The following SHB variants were observed in gnomAD, a reference collection of about 807,000 sequenced individuals.
SHB encodes the protein SH2 domain containing adaptor protein B.
SHB carries 20 observed loss-of-function variants against 52.3 expected under a neutral mutation model. The ratio of observed to expected loss-of-function variants is 0.38; its 90% CI spans 0.27 to 0.56. The LOEUF is 0.56. Among genes scored for constraint, SHB ranks in the 20% least tolerant of loss-of-function variants. SHB has a pLI of 0.71. For missense variants in SHB, 825 were observed against 723.3 expected, an observed-to-expected ratio of 1.14 and a Z score of -1.61; for synonymous variants, 397 against 316.5, an observed-to-expected ratio of 1.25 and a Z score of -2.70.
chr9:37,960,517 T>G (rs1048932481), intron 3 of SHB, among the ~76,000 whole-genome samples: 1 of 152,188 alleles, frequency 6.6e-6, no homozygotes, highest in African/African-American at 2.4e-5. Flanking sequence ...TGGGAGCCCT[T>G]CTGACTTTGG....
chr9:38,063,203 G>T (rs1374330620), intron 1 of SHB, among the ~76,000 whole-genome samples: 1 of 152,246 alleles, frequency 6.6e-6, no homozygotes, highest in African/African-American at 2.4e-5. Context: ...TTTGCCATTA[G>T]TGATATTTTA....
rs377233293 is a variant in SHB at position 38,068,277 on chromosome 9, C to G, written c.369G>C (p.Gly123=). The G allele has an allele frequency of 3.4e-6, 5 of 1,470,086 alleles. No individual in the cohort carries two copies. Among genetic ancestry groups the G allele is most frequent in the African/African-American group, 1.5e-5 (1 of 68,052 alleles). The allele number at this position is 1,470,086 out of a possible 1,614,324, so 91.1% of individuals were successfully genotyped here. The change falls in exon 1 of 6, where the codon GGG becomes GGC. Residue 123 remains glycine (G), a synonymous_variant. Coordinates refer to ENST00000377707, the MANE Select transcript of SHB (RefSeq NM_003028.3). The stretch of plus-strand genomic sequence containing the variant: ...ACGAGGCCGAGAAGGCGCGCTGGAC[C>G]CCGCCTGGCTCCCCGCTGCCGCCGC... ...DYCGGSGEPG[G]VQRAFSASSA...
rs11790880 is a variant in SHB at position 37,918,222 on chromosome 9, A to T, written c.*1599T>A. Among the ~76,000 whole-genome samples the T allele has an allele frequency of 0.085, 12,977 of 152,272 alleles. 597 individuals are homozygous for T. The highest frequency in any genetic ancestry group is 0.11 in the South Asian group (509 of 4,830). On this transcript the variant is annotated 3_prime_UTR_variant, in exon 6 of 6. Coordinates refer to ENST00000377707, the MANE Select transcript of SHB (RefSeq NM_003028.3). ...CTGGCGAAGGCTCTGGAACCCTTGT[A>T]TCTCATTCAGGAGAGGGCAGCCACA...
chr9:38,053,528 C>A (rs895281700), intron 1 of SHB, among the ~76,000 whole-genome samples: 4 of 152,294 alleles, frequency 2.6e-5, no homozygotes, highest in African/African-American at 9.6e-5. Flanking sequence ...TGAGCCACCA[C>A]ACCCAGCCAG....
At chr9:37,964,232 G>A (rs1167808646) in intron 3 of SHB, among the ~76,000 whole-genome samples, 1 of 152,242 alleles carries the variant, frequency 6.6e-6, no homozygotes, top group Non-Finnish European at 1.5e-5. Context: ...GGTCCTCATT[G>A]TGAGGGGAGG....
Position 37,948,626 on chromosome 9 carries a change from G to A in SHB, c.1346+9C>T, listed in dbSNP as rs368833941. ...GAGGAGGGCTGGGGGTGCTCGGGGC[G>A]GCACTCACCTCAGGGAGAGGGAGTA... On this transcript the variant is annotated intron_variant, in intron 5 of 5. Transcript: ENST00000377707. The A allele has an allele frequency of 1.5e-4, 240 of 1,612,928 alleles. No homozygotes were observed. The highest frequency in any genetic ancestry group is 3.9e-4 in the African/African-American group (29 of 74,920).
chr9:37,929,037 T>C (rs1832282638), intron 5 of SHB, among the ~76,000 whole-genome samples: 1 of 152,192 alleles, frequency 6.6e-6, no homozygotes, highest in African/African-American at 2.4e-5. Context: ...CAGGCAGGGC[T>C]GGAGAGGGGG....
chr9:38,013,982 T>C (rs948893897), intron 2 of SHB, among the ~76,000 whole-genome samples: 2 of 152,192 alleles, frequency 1.3e-5, no homozygotes, highest in Non-Finnish European at 2.9e-5. Flanking sequence ...GTGCCCAGCA[T>C]GGAGTCTGGT....
chr9:37,966,833 G>T (rs1224764920), intron 3 of SHB, among the ~76,000 whole-genome samples: 4 of 152,188 alleles, frequency 2.6e-5, no homozygotes, highest in Non-Finnish European at 5.9e-5. Flanking sequence ...ACATAGCTTG[G>T]TGGGAATAGC....
At chr9:38,062,929 T>C (rs1358774020) in intron 1 of SHB, among the ~76,000 whole-genome samples, 2 of 152,144 alleles carry the variant, frequency 1.3e-5, no homozygotes, top group Non-Finnish European at 2.9e-5. Flanking sequence ...TGGCCCACAA[T>C]CAAACCACGG....
At chr9:38,056,831 C>G (rs1821827315) in intron 1 of SHB, among the ~76,000 whole-genome samples, 1 of 152,184 alleles carries the variant, frequency 6.6e-6, no homozygotes, top group African/African-American at 2.4e-5. Flanking sequence ...TACAAATCAA[C>G]AGACAAAACC....
chr9:38,021,922 G>A (rs1587248400), intron 1 of SHB, among the ~76,000 whole-genome samples: 1 of 152,216 alleles, frequency 6.6e-6, no homozygotes, highest in African/African-American at 2.4e-5. Flanking sequence ...GTGTCTTGCT[G>A]GCTGAAGGGT....
At chr9:38,028,769 T>C (rs1373915265) in intron 1 of SHB, among the ~76,000 whole-genome samples, 1 of 152,234 alleles carries the variant, frequency 6.6e-6, no homozygotes, top group Admixed American at 6.5e-5. Flanking sequence ...ACAGTACTTA[T>C]AAAAGGATTC....
At chr9:38,001,926 G>T (rs373233693) in intron 2 of SHB, among the ~76,000 whole-genome samples, 1 of 152,288 alleles carries the variant, frequency 6.6e-6, no homozygotes, top group East Asian at 1.9e-4. Context: ...CAGAGAGCAC[G>T]AGTGGTGGTG....
intron 1 of SHB, among the ~76,000 whole-genome samples, chr9:38,028,088 C>G (rs1821366786): frequency 6.6e-6 from 1 of 152,122 alleles, no homozygotes; most frequent in Non-Finnish European, 1.5e-5. Context: ...CACAGGAGTC[C>G]CCAGAAGCCA....
At chr9:38,050,665 T>C (rs1396516206) in intron 1 of SHB, among the ~76,000 whole-genome samples, 3 of 152,234 alleles carry the variant, frequency 2.0e-5, no homozygotes, top group East Asian at 1.9e-4. Flanking sequence ...AATGAATGTA[T>C]ACAACTGAAA....
intron 1 of SHB, among the ~76,000 whole-genome samples, chr9:38,053,762 T>C (rs1007373016): frequency 1.3e-5 from 2 of 152,160 alleles, no homozygotes; most frequent in African/African-American, 4.8e-5. Flanking sequence ...AGTTCAAAGC[T>C]GGACTGAGGC....
intron 2 of SHB, among the ~76,000 whole-genome samples, chr9:37,998,275 A>G (rs1313806845): frequency 1.3e-5 from 2 of 152,050 alleles, no homozygotes; most frequent in East Asian, 3.9e-4. Context: ...CTGGACCGCT[A>G]TCCTGCTGGC....
At chr9:38,029,595 ATTCTCT>A (rs71940414) in intron 1 of SHB, among the ~76,000 whole-genome samples, 20,778 of 151,822 alleles carry the variant, frequency 0.14, 3,117 homozygotes, top group African/African-American at 0.37. Context: ...GGTTCAAGCA[ATTCTCT>A]CACCTCTGCC....
Sources: allele counts gnomAD v4.1 joint callset (sites outside exome capture counted in the v4.1 genomes callset), GRCh38; gene constraint gnomAD v4.1.1; transcripts MANE v1.5; gene names NCBI Gene and HGNC (gene_info 2026-07-23, HGNC 2026-07-21).